The following ESRRA variants were observed in gnomAD, a reference collection of about 807,000 sequenced individuals.
ESRRA encodes estrogen related receptor alpha.
Under a neutral mutation model 35.6 loss-of-function variants are expected in ESRRA, and 7 were observed. The ratio of observed to expected loss-of-function variants is 0.20; its 90% CI spans 0.11 to 0.37. The LOEUF is 0.37. Ranked by LOEUF, ESRRA falls within the 10% of genes least tolerant of loss-of-function variation. ESRRA has a pLI of 1.00. For synonymous variants in ESRRA, 223 were observed against 246.9 expected (o/e 0.90, Z 0.91); for missense variants, 378 against 561.7 (o/e 0.67, Z 3.31).
chr11:64,312,832 C>G (rs543686136), intron 2 of ESRRA, among the ~76,000 whole-genome samples: 1 of 152,060 alleles, frequency 6.6e-6, no homozygotes, highest in Admixed American at 6.6e-5. Flanking sequence ...GGTGAGGGAG[C>G]CTGTGTGGAC....
intron 2 of ESRRA, among the ~76,000 whole-genome samples, chr11:64,309,105 C>T (rs1048397863): frequency 1.3e-5 from 2 of 150,300 alleles, no homozygotes; most frequent in African/African-American, 4.9e-5. Flanking sequence ...AAGTGAAACT[C>T]CACCTCAAAA....
At chr11:64,311,514 C>T (rs1198812338) in intron 2 of ESRRA, among the ~76,000 whole-genome samples, 1 of 151,436 alleles carries the variant, frequency 6.6e-6, no homozygotes, top group Non-Finnish European at 1.5e-5. Context: ...CTCCCGGGTT[C>T]AAGCGATTCT....
In ESRRA at chr11:64,307,605, AC is replaced by A. The variant is rs2035061474; in HGVS notation, c.325+102del. ...ATGGCTGTGGCACCGCTTGAGGCTA[AC>A]AATCTGGTGTTTCCAGTCCCTCTAC... On this transcript the variant is annotated intron_variant, in intron 2 of 6. Coordinates refer to ENST00000000442, the MANE Select transcript of ESRRA (RefSeq NM_004451.5). 3 of 892,056 alleles carry A rather than the reference AC, an allele frequency of 3.4e-6. No homozygotes were observed. The East Asian group carries it at 9.1e-5, about 27-fold the overall frequency. 55.3% of individuals were successfully genotyped at this position (892,056 alleles called of 1,614,324 possible).
chr11:64,309,648 A>T (rs561308274), intron 2 of ESRRA, among the ~76,000 whole-genome samples: 1 of 151,762 alleles, frequency 6.6e-6, no homozygotes, highest in Admixed American at 6.6e-5. Context: ...AAAAAAAAAA[A>T]AAAGGCCAAG....
At chr11:64,314,932 G>A (rs771915642) in intron 5 of ESRRA, 21 bp downstream of exon 5, 205 of 1,609,394 alleles carry the variant, frequency 1.3e-4, no homozygotes, top group Non-Finnish European at 1.6e-4. Context: ...CAGGTGACCC[G>A]GGGCTGCCCT....
intron 2 of ESRRA, among the ~76,000 whole-genome samples, chr11:64,312,517 C>T (rs942461029): frequency 6.6e-6 from 1 of 152,198 alleles, no homozygotes; most frequent in African/African-American, 2.4e-5. Context: ...GTGCTGCGGG[C>T]CTGCTGTCTA....
chr11:64,316,067 T>G lies in ESRRA; in HGVS notation c.*101T>G. 7.3e-7 allele frequency: 1 copy of G among 1,368,158 alleles called. No homozygotes were observed. The highest frequency in any genetic ancestry group is 9.9e-7 in the Non-Finnish European group (1 of 1,006,114). The allele number at this position is 1,368,158 out of a possible 1,614,324, so 84.8% of individuals were successfully genotyped here. A position where few individuals can be genotyped will look rare whatever the true frequency, so the allele number is the denominator to read the frequency against. ...CTGGGGTCTGGGCAGTGCCACAGCC[T>G]GCTGGCAGGGCCAGGGCAATGCCAT... is the stretch of plus-strand genomic sequence containing the variant. On this transcript the variant is annotated 3_prime_UTR_variant, in exon 7 of 7. Transcript: ENST00000000442.
At chr11:64,311,688 A>ATAGG (rs1378305581) in intron 2 of ESRRA, among the ~76,000 whole-genome samples, 10 of 148,904 alleles carry the variant, frequency 6.7e-5, no homozygotes, top group African/African-American at 1.2e-4. Flanking sequence ...TGCTGGGATT[A>ATAGG]CGCTCCCGGC....
chr11:64,306,310 G>C (rs1209635900), intron 1 of ESRRA: 2 of 152,400 alleles, frequency 1.3e-5, no homozygotes, highest in Non-Finnish European at 2.9e-5. Flanking sequence ...GGGGCGGGAC[G>C]CGGCGCCCCG....
rs751009334 is a variant in ESRRA at position 64,315,811 on chromosome 11, G to A, written c.1117G>A (p.Ala373Thr). 72 of 1,612,254 alleles carry A rather than the reference G, an allele frequency of 4.5e-5. No individual in the cohort carries two copies. In the African/African-American group the frequency reaches 8.5e-4, roughly 19 times the overall value. The change falls in exon 7 of 7, where the codon GCT becomes ACT. Residue 373 changes from alanine to threonine, a missense_variant. Ala to Thr is a moderately conservative substitution (Grantham distance 58). Around this residue, in one of 4 missense-constraint regions of ESRRA, gnomAD observed 284 missense variants for 411.7 expected, o/e 0.69. Coordinates refer to ENST00000000442, the MANE Select transcript of ESRRA (RefSeq NM_004451.5). ...EAGRAGPGGG[A>T]ERRRAGRLLL... Reference sequence around the variant, plus strand: ...CGGCCGGGCTGGCCCCGGAGGGGGTGCTGAGCGGCGGCGGGCGGGCAGGCT... The same window carrying A: ...CGGCCGGGCTGGCCCCGGAGGGGGTACTGAGCGGCGGCGGGCGGGCAGGCT...
In ESRRA at chr11:64,307,265, CAG is replaced by C; in HGVS notation, c.90_91del (p.Glu30AspfsTer67). 6.2e-7 allele frequency: 1 copy of C among 1,613,548 alleles called. No individual in the cohort carries two copies. Among genetic ancestry groups the C allele is most frequent in the Non-Finnish European group, 8.5e-7 (1 of 1,179,826 alleles). The stretch of plus-strand genomic sequence containing the variant: ...GACAGTCCAAAGGGTTCCTCGGAGA[CAG>C]AGACCGAGCCTCCTGTGGCCCTGGC... On this transcript the variant is annotated frameshift_variant, in exon 2 of 7. Coordinates refer to ENST00000000442, the MANE Select transcript of ESRRA (RefSeq NM_004451.5). LOFTEE classifies it high-confidence loss of function.
intron 2 of ESRRA, among the ~76,000 whole-genome samples, chr11:64,310,237 GTT>G (rs199526212): frequency 2.2e-5 from 3 of 134,308 alleles, no homozygotes; most frequent in Non-Finnish European, 3.2e-5. Flanking sequence ...ATTCCAGCAC[GTT>G]TTTTTTTTTT....
intron 2 of ESRRA, among the ~76,000 whole-genome samples, chr11:64,310,800 G>C (rs1030033955): frequency 6.6e-6 from 1 of 151,912 alleles, no homozygotes; most frequent in African/African-American, 2.4e-5. Context: ...TGCCCTCCTC[G>C]GGCTTCCAAA....
chr11:64,315,308 C>G lies in ESRRA; in HGVS notation c.1012+38C>G, dbSNP rs375512211. ...CAGGCACTGACAGGTGAGGTGTCTC[C>G]GTAAGGTCTTCAGGTTAACTCAGTG... On this transcript the variant is annotated intron_variant, in intron 6 of 6. Coordinates refer to ENST00000000442, the MANE Select transcript of ESRRA (RefSeq NM_004451.5). 1 of 1,519,028 alleles carries G rather than the reference C, an allele frequency of 6.6e-7. No homozygotes were observed. Among genetic ancestry groups the G allele is most frequent in the Non-Finnish European group, 8.8e-7 (1 of 1,133,242 alleles). The allele number at this position is 1,519,028 out of a possible 1,614,324, so 94.1% of individuals were successfully genotyped here. A position where few individuals can be genotyped will look rare whatever the true frequency, so the allele number is the denominator to read the frequency against.
At chr11:64,312,904 G>A (rs2035170631) in intron 2 of ESRRA, among the ~76,000 whole-genome samples, 1 of 152,234 alleles carries the variant, frequency 6.6e-6, no homozygotes, top group African/African-American at 2.4e-5. Flanking sequence ...AGAGCAAGGA[G>A]TAGAGGTCAA....
Position 64,315,910 on chromosome 11 carries a change from G to A in ESRRA, c.1216G>A (p.Gly406Ser), listed in dbSNP as rs1443857660. 4 of 1,603,424 alleles carry A rather than the reference G, an allele frequency of 2.5e-6. No homozygotes were observed. The highest frequency in any genetic ancestry group is 2.6e-6 in the Non-Finnish European group (3 of 1,173,804). ...CCATTTCTATGGGGTGAAGCTGGAG[G>A]GCAAGGTGCCCATGCACAAGCTGTT... ...LAHFYGVKLE[G>S]KVPMHKLFLE... Residue 406 changes from glycine (G) to serine (S), a missense_variant, in exon 7 of 7, where the codon GGC becomes AGC. This residue lies in a region of ESRRA where 284 missense variants were observed against 411.7 expected (regional missense o/e 0.69). Coordinates refer to ENST00000000442, the MANE Select transcript of ESRRA (RefSeq NM_004451.5).
At chr11:64,309,326 G>A (rs2035095785) in intron 2 of ESRRA, among the ~76,000 whole-genome samples, 1 of 144,008 alleles carries the variant, frequency 6.9e-6, no homozygotes, top group South Asian at 2.2e-4. Flanking sequence ...CCACTACTTG[G>A]GAGGCTGAGG....
chr11:64,315,606 G>C (rs548008917), intron 6 of ESRRA, 101 bp from the exon 7 acceptor site: 2 of 1,482,430 alleles, frequency 1.3e-6, no homozygotes, highest in East Asian at 4.6e-5. Flanking sequence ...ACAAATCCTC[G>C]TTTGGCTCTT....
chr11:64,306,623 G>T (rs2035039042), intron 1 of ESRRA: 1 of 152,810 alleles, frequency 6.5e-6, no homozygotes, highest in African/African-American at 2.4e-5. Flanking sequence ...GGTTTGGGAA[G>T]GCCGGTGCAA....
Sources: gnomAD v4.1 joint callset for allele counts (sites outside exome capture counted in the v4.1 genomes callset) on GRCh38, gnomAD v4.1.1 for gene constraint, gnomAD v4.1.1 regional missense constraint, MANE v1.5 for transcripts, NCBI Gene and HGNC (gene_info 2026-07-23, HGNC 2026-07-21) for gene names.